Variants in MEGF6 observed in about 807,000 individuals in gnomAD.
MEGF6 encodes multiple EGF like domains 6, also known as multiple epidermal growth factor-like domains protein 6.
MEGF6 carries 184 observed loss-of-function variants against 207.1 expected under a neutral mutation model. That is an observed-to-expected ratio of 0.89 (90% CI 0.79 to 1.00). MEGF6 has a LOEUF of 1.00. Among genes scored for constraint, MEGF6 ranks in the 50% least tolerant of loss-of-function variants. The pLI is 0.00. For missense variants in MEGF6, 2,282 were observed against 2,202.9 expected (o/e 1.04, Z -0.72); for synonymous variants, 1,038 against 910.0 (o/e 1.14, Z -2.53).
intron 3 of MEGF6, among the ~76,000 whole-genome samples, chr1:3,581,320 C>T (rs1453955994): frequency 6.6e-6 from 1 of 152,160 alleles, no homozygotes; most frequent in Non-Finnish European, 1.5e-5. Context: ...GCATCCCCTC[C>T]CCACCTGGGC....
chr1:3,524,926 C>T (rs1016986692), intron 4 of MEGF6, among the ~76,000 whole-genome samples: 4 of 152,172 alleles, frequency 2.6e-5, no homozygotes, highest in Admixed American at 2.0e-4. Flanking sequence ...GGGCTAAGGA[C>T]GGCCAGAAGG....
At chr1:3,511,856 C>T in intron 8 of MEGF6, 150 bp downstream of exon 8, 2 of 1,445,762 alleles carry the variant, frequency 1.4e-6, no homozygotes, top group South Asian at 1.3e-5. Context: ...CCCTGCTCTC[C>T]CTCGACCCTC....
At chr1:3,509,378 A>C (rs1569997022) in intron 11 of MEGF6, 133 bp from the exon 12 acceptor site, 2 of 683,068 alleles carry the variant, frequency 2.9e-6, no homozygotes, top group Non-Finnish European at 4.3e-6. Context: ...CACTACCCCC[A>C]CCTCCTCAGC....
rs1374201664 is a variant in MEGF6 at position 3,505,166 on chromosome 1, C to G, written c.2188+42G>C. Reference sequence around the variant, plus strand: ...TCCAGCCAGGCAGGCAGCCTACACCCCACAATGAGACTGCCGGGAGCCCCA... The same window carrying G: ...TCCAGCCAGGCAGGCAGCCTACACCGCACAATGAGACTGCCGGGAGCCCCA... On this transcript the variant is annotated intron_variant, in intron 17 of 36. Transcript: ENST00000356575. 2.5e-6 allele frequency: 4 copies of G among 1,602,618 alleles called. No individual in the cohort carries two copies. In the Middle Eastern group the frequency reaches 5.0e-4, roughly 199 times the overall value.
chr1:3,586,234 G>C (rs896141120), intron 3 of MEGF6, among the ~76,000 whole-genome samples: 5 of 152,210 alleles, frequency 3.3e-5, no homozygotes, highest in African/African-American at 1.2e-4. Flanking sequence ...GTGTGGGTGT[G>C]AGCGAGGAGA....
chr1:3,500,037 A>G, intron 21 of MEGF6, 113 bp from the exon 22 acceptor site: 2 of 1,399,638 alleles, frequency 1.4e-6, no homozygotes, highest in Non-Finnish European at 1.9e-6. Flanking sequence ...GCTCATGAGA[A>G]GCCCCTTCCT....
intron 4 of MEGF6, among the ~76,000 whole-genome samples, chr1:3,537,332 G>A (rs1397814901): frequency 1.3e-5 from 2 of 152,372 alleles, no homozygotes; most frequent in East Asian, 3.9e-4. Flanking sequence ...GTGGCGGGGG[G>A]TTGAGGGTAT....
At position 3,493,629 on chromosome 1, in the gene MEGF6, A is replaced by AG. The variant is rs1415777020; in HGVS notation, c.4387+141dup. The AG allele has an allele frequency of 1.6e-5, 19 of 1,169,128 alleles. No homozygotes were observed. The African/African-American group carries it at 2.6e-4, about 16-fold the overall frequency. 72.4% of individuals were successfully genotyped at this position (1,169,128 alleles called of 1,614,324 possible). ...CCCAGCAGCTGACTCCAGCCCCCCC[A>AG]GGGGGCACAGTCCAGGTGCAGAGGC... is the stretch of plus-strand genomic sequence containing the variant. On this transcript the variant is annotated intron_variant, in intron 34 of 36. Coordinates refer to ENST00000356575, the MANE Select transcript of MEGF6 (RefSeq NM_001409.4).
At chr1:3,531,486 C>T in intron 4 of MEGF6, 1 of 1,071,468 alleles carries the variant, frequency 9.3e-7, no homozygotes, top group Non-Finnish European at 1.1e-6. Flanking sequence ...GCCAAGTCCG[C>T]AGACAACCGA....
At chr1:3,566,309 C>T (rs1250748478) in intron 4 of MEGF6, among the ~76,000 whole-genome samples, 2 of 152,212 alleles carry the variant, frequency 1.3e-5, no homozygotes, top group African/African-American at 4.8e-5. Flanking sequence ...ATTCATTACT[C>T]CATGGGAAGG....
intron 35 of MEGF6, 145 bp from the exon 36 acceptor site, chr1:3,491,104 C>G (rs543514945): frequency 1.8e-5 from 5 of 282,682 alleles, no homozygotes; most frequent in East Asian, 3.3e-4. Context: ...CCTTTGCACT[C>G]GGGGAAGGAA....
intron 4 of MEGF6, among the ~76,000 whole-genome samples, chr1:3,574,936 C>G (rs753063982): frequency 2.6e-5 from 4 of 152,200 alleles, no homozygotes; most frequent in Non-Finnish European, 5.9e-5. Context: ...AGCCACCACG[C>G]CTGGCTTGAG....
At position 3,490,515 on chromosome 1, in the gene MEGF6, G is replaced by T. The variant is rs764689271; in HGVS notation, c.*13C>A. On this transcript the variant is annotated 3_prime_UTR_variant, in exon 37 of 37. Coordinates refer to ENST00000356575, the MANE Select transcript of MEGF6 (RefSeq NM_001409.4). ...CTGGGACTGGAGAGGCGGGCTCCACGGGACTGCCTCTACTAGTGCCTCGCT... is the reference window on the plus strand; with the variant it reads ...CTGGGACTGGAGAGGCGGGCTCCACTGGACTGCCTCTACTAGTGCCTCGCT... 6.2e-7 allele frequency: 1 copy of T among 1,612,258 alleles called. No individual in the cohort carries two copies. Among genetic ancestry groups the T allele is most frequent in the South Asian group, 1.1e-5 (1 of 91,034 alleles).
chr1:3,538,879 C>G (rs115680056), intron 4 of MEGF6, among the ~76,000 whole-genome samples: 1 of 152,174 alleles, frequency 6.6e-6, no homozygotes. Context: ...CAGCCCCACG[C>G]CCCGGGGCCC....
rs1640740706 is a variant in MEGF6, at chr1:3,499,135, T to C, written c.3094+3A>G. On this transcript the variant is annotated splice_donor_region_variant and intron_variant, in intron 24 of 36. Transcript: ENST00000356575. ...GGTCCCTGGACTCCTAGATGTGGCT[T>C]ACCCTGCAGGCAGGAGGGCCCCATC... 1.2e-6 allele frequency: 2 copies of C among 1,603,994 alleles called. No individual in the cohort carries two copies. Among genetic ancestry groups the C allele is most frequent in the African/African-American group, 2.7e-5 (2 of 74,756 alleles).
intron 4 of MEGF6, among the ~76,000 whole-genome samples, chr1:3,570,875 C>T (rs796853460): frequency 6.6e-6 from 1 of 152,312 alleles, no homozygotes; most frequent in African/African-American, 2.4e-5. Flanking sequence ...GCCCTCCCTC[C>T]AGCCATCCCC....
chr1:3,605,493 CAT>C (rs1323010388), intron 1 of MEGF6, among the ~76,000 whole-genome samples: 4 of 150,132 alleles, frequency 2.7e-5, no homozygotes, highest in Non-Finnish European at 5.9e-5. Flanking sequence ...CAATTACACA[CAT>C]ACACACACAA....
At chr1:3,593,532 G>A (rs779080584) in intron 3 of MEGF6, among the ~76,000 whole-genome samples, 31 of 133,366 alleles carry the variant, frequency 2.3e-4, no homozygotes, top group Non-Finnish European at 4.0e-4. Context: ...CAAAAAGCCC[G>A]CTCTCCCCCA....
At chr1:3,610,171 T>G (rs1644305405) in intron 1 of MEGF6, among the ~76,000 whole-genome samples, 1 of 152,180 alleles carries the variant, frequency 6.6e-6, no homozygotes, top group African/African-American at 2.4e-5. Flanking sequence ...CTTTCTGGAG[T>G]AAAGCCAGAC....
Sources: allele counts gnomAD v4.1 joint callset (sites outside exome capture counted in the v4.1 genomes callset), GRCh38; gene constraint gnomAD v4.1.1; transcripts MANE v1.5; gene names NCBI Gene and HGNC (gene_info 2026-07-23, HGNC 2026-07-21).